FOXK1: variants seen among roughly 807,000 people sequenced by gnomAD.
FOXK1 encodes the protein forkhead box K1, also known as forkhead box protein K1.
FOXK1 carries 19 observed loss-of-function variants against 51.9 expected under a neutral mutation model. The observed-to-expected ratio is 0.37, with a 90% confidence interval of 0.26 to 0.54. The LOEUF (loss-of-function observed/expected upper bound fraction) is 0.54, where lower values mean the gene tolerates loss of function less well. FOXK1 is among the 20% of genes least tolerant of loss of function. FOXK1 has a pLI of 0.87. For synonymous variants in FOXK1, 537 were observed against 482.6 expected (o/e 1.11, Z -1.48); for missense variants, 870 against 1,032.7 (o/e 0.84, Z 2.16).
In FOXK1 at chr7:4,749,784, C is replaced by T. The variant is rs1038505240; in HGVS notation, c.747-4675C>T. ...GCCCTGTGCCCTGGGGAAGGCTTGT[C>T]TTAGGCTCTGGGGACGGAGCCCAGC... is the stretch of plus-strand genomic sequence containing the variant. On this transcript the variant is annotated intron_variant, in intron 2 of 8. Coordinates refer to ENST00000328914, the MANE Select transcript of FOXK1 (RefSeq NM_001037165.2). The surrounding 1 kb of genome is among the most constrained non-coding windows in gnomAD (Gnocchi z 6.0). 6.6e-6 allele frequency among the ~76,000 whole-genome samples: 1 copy of T among 152,222 alleles called. No homozygotes were observed. Among genetic ancestry groups the T allele is most frequent in the African/African-American group, 2.4e-5 (1 of 41,454 alleles).
At position 4,757,117 on chromosome 7, in the gene FOXK1, C is replaced by A; in HGVS notation, c.1174C>A (p.Gln392Lys). 1 of 1,613,628 alleles carries A rather than the reference C, an allele frequency of 6.2e-7. No individual in the cohort carries two copies. The highest frequency in any genetic ancestry group is 8.5e-7 in the Non-Finnish European group (1 of 1,179,948). ...DPASEAKLVE[Q>K]AFRKRRQRGV... is the part of the protein sequence containing the mutation. ...TGCCTCTGAAGCCAAGCTCGTGGAA[C>A]AGGCATTCCGGAAACGGAGGCAGAG... The change falls in exon 5 of 9, where the codon CAG (glutamine) becomes AAG (lysine). Residue 392 changes from glutamine to lysine, a missense_variant. By Grantham distance (53) the Gln-to-Lys change is moderately conservative (BLOSUM62 1). Around this residue, in one of 3 missense-constraint regions of FOXK1, gnomAD observed 457 missense variants for 510.8 expected, o/e 0.89. Transcript: ENST00000328914.
chr7:4,735,060 C>T lies in FOXK1; in HGVS notation c.561-5778C>T, dbSNP rs567641957. ...TTTTCCTGACAGCTTTCTGTTTGGCCGGGCAGGTGGTAGGATTTGTGGCCT... is the reference window on the plus strand; with the variant it reads ...TTTTCCTGACAGCTTTCTGTTTGGCTGGGCAGGTGGTAGGATTTGTGGCCT... On this transcript the variant is annotated intron_variant, in intron 1 of 8. Coordinates refer to ENST00000328914, the MANE Select transcript of FOXK1 (RefSeq NM_001037165.2). The surrounding 1 kb of genome is among the most constrained non-coding windows in gnomAD (Gnocchi z 4.7). 1.8e-4 allele frequency among the ~76,000 whole-genome samples: 27 copies of T among 152,164 alleles called. No individual in the cohort carries two copies. The highest frequency in any genetic ancestry group is 1.8e-3 in the Admixed American group (27 of 15,268).
At chr7:4,695,117 G>T (rs935072793) in intron 1 of FOXK1, among the ~76,000 whole-genome samples, 1 of 152,232 alleles carries the variant, frequency 6.6e-6, no homozygotes, top group Non-Finnish European at 1.5e-5. Flanking sequence ...GTTTGTGTCC[G>T]CTACCTCTGC....
At chr7:4,741,323 GT>G (rs67202438) in intron 2 of FOXK1, among the ~76,000 whole-genome samples, 13,632 of 150,456 alleles carry the variant, frequency 0.091, 2,059 homozygotes, top group African/African-American at 0.31. Context: ...CGTTGAAAAT[GT>G]TTTTTTTTTG....
rs1780918721 is a variant in FOXK1 at position 4,760,638 on chromosome 7, G to A, written c.1697-426G>A. 2.0e-5 allele frequency among the ~76,000 whole-genome samples: 3 copies of A among 152,146 alleles called. No homozygotes were observed. The South Asian group carries it at 6.2e-4, about 32-fold the overall frequency. On this transcript the variant is annotated intron_variant, in intron 7 of 8. Transcript: ENST00000328914. Reference sequence around the variant, plus strand: ...GGCTGAGGCAGGCAGATCACTTGAGGTCAGAAGTTCAAGACCAGCCTGGCC... The same window carrying A: ...GGCTGAGGCAGGCAGATCACTTGAGATCAGAAGTTCAAGACCAGCCTGGCC...
chr7:4,750,773 C>T (rs1236355442), intron 2 of FOXK1, among the ~76,000 whole-genome samples: 1 of 151,774 alleles, frequency 6.6e-6, no homozygotes, highest in Non-Finnish European at 1.5e-5. Flanking sequence ...GGCATAATCT[C>T]GGCTCACTGC....
chr7:4,747,938 G>A lies in FOXK1; in HGVS notation c.747-6521G>A, dbSNP rs111592085. On this transcript the variant is annotated intron_variant, in intron 2 of 8. Transcript: ENST00000328914. The surrounding 1 kb of genome is among the most constrained non-coding windows in gnomAD (Gnocchi z 9.2). ...ACGGCTCGCTGCAGCCTCGACCTCCGGGACTCAAGCGATCCTCCCACCTCA... is the reference window on the plus strand; with the variant it reads ...ACGGCTCGCTGCAGCCTCGACCTCCAGGACTCAAGCGATCCTCCCACCTCA... 0.018 allele frequency among the ~76,000 whole-genome samples: 2,797 copies of A among 151,728 alleles called. 86 individuals are homozygous for A. The highest frequency in any genetic ancestry group is 0.062 in the African/African-American group (2,581 of 41,344).
chr7:4,762,067 A>C lies in FOXK1; in HGVS notation c.1922-117A>C, dbSNP rs866777439. On this transcript the variant is annotated intron_variant, in intron 8 of 8. Transcript: ENST00000328914. This position sits in a 1 kb window ranked among gnomAD's most constrained non-coding sequence, Gnocchi z 5.7. ...AGCAAGGGTAGCCGTCCTGCCTGGC[A>C]GGGGTGCACTGACCTCCGGTTCCGG... 3 of 1,223,942 alleles carry C rather than the reference A, an allele frequency of 2.5e-6. No individual in the cohort carries two copies. The highest frequency in any genetic ancestry group is 3.4e-6 in the Non-Finnish European group (3 of 888,016). 75.8% of individuals were successfully genotyped at this position (1,223,942 alleles called of 1,614,324 possible).
chr7:4,728,510 G>A lies in FOXK1; in HGVS notation c.561-12328G>A, dbSNP rs182806738. 3.7e-3 allele frequency among the ~76,000 whole-genome samples: 564 copies of A among 152,258 alleles called. 3 individuals carry two copies. The highest frequency in any genetic ancestry group is 0.013 in the African/African-American group (531 of 41,556). ...CTTACTCGTGTGCACTAAAGTGCAC[G>A]TGCTGTGTGTGTACTGACCCTCTGC... On this transcript the variant is annotated intron_variant, in intron 1 of 8. Transcript: ENST00000328914.
At chr7:4,691,001 G>A (rs952077897) in intron 1 of FOXK1, among the ~76,000 whole-genome samples, 13 of 152,114 alleles carry the variant, frequency 8.5e-5, no homozygotes, top group African/African-American at 2.7e-4. Context: ...CTTGTTGGGC[G>A]ATCTTGTACT....
At chr7:4,690,245 A>G (rs2089133452) in intron 1 of FOXK1, among the ~76,000 whole-genome samples, 1 of 152,226 alleles carries the variant, frequency 6.6e-6, no homozygotes, top group South Asian at 2.1e-4. Context: ...GCTGGGGAGA[A>G]CAATCACTGC....
chr7:4,690,409 T>G (rs1779876818), intron 1 of FOXK1, among the ~76,000 whole-genome samples: 1 of 152,264 alleles, frequency 6.6e-6, no homozygotes, highest in Non-Finnish European at 1.5e-5. Flanking sequence ...GTGTATCACA[T>G]ATATTTGTTC....
At position 4,762,943 on chromosome 7, in the gene FOXK1, A is replaced by G. The variant is rs1780957455; in HGVS notation, c.*479A>G. The G allele has an allele frequency of 1.2e-5, 2 of 163,282 alleles. No homozygotes were observed. The highest frequency in any genetic ancestry group is 1.1e-4 in the Admixed American group (2 of 17,564). 10.1% of individuals were successfully genotyped at this position (163,282 alleles called of 1,614,324 possible). A position where few individuals can be genotyped will look rare whatever the true frequency, so the allele number is the denominator to read the frequency against. On this transcript the variant is annotated 3_prime_UTR_variant, in exon 9 of 9. Transcript: ENST00000328914. The surrounding 1 kb of genome is among the most constrained non-coding windows in gnomAD (Gnocchi z 5.7). ...TTGGGAAGCCAGGAGCTGCCGAGCC[A>G]CGGACCACCTAACAGCCTCTCCGCC...
intron 1 of FOXK1, among the ~76,000 whole-genome samples, chr7:4,712,461 C>T (rs965842659): frequency 1.3e-5 from 2 of 152,076 alleles, no homozygotes; most frequent in African/African-American, 4.8e-5. Flanking sequence ...GGAAAGGAGA[C>T]GTGTTAGTTT....
intron 1 of FOXK1, among the ~76,000 whole-genome samples, chr7:4,721,672 C>T (rs1028071140): frequency 1.4e-5 from 2 of 145,232 alleles, no homozygotes; most frequent in Non-Finnish European, 1.5e-5. Flanking sequence ...CTCACTGCAA[C>T]CTCTCCCTCC....
intron 1 of FOXK1, among the ~76,000 whole-genome samples, chr7:4,719,108 C>A (rs1319083064): frequency 7.1e-6 from 1 of 140,748 alleles, no homozygotes; most frequent in African/African-American, 2.8e-5. Context: ...CACACCCAAC[C>A]TTGTTTTTTT....
Position 4,742,615 on chromosome 7 carries a change from C to T in FOXK1, c.746+1592C>T, listed in dbSNP as rs541407776. ...TATCTTTTGTAGAGACAGGGTCTTG[C>T]TATGTTGCCCAGGCTGGTCTGAAAC... is the stretch of plus-strand genomic sequence containing the variant. On this transcript the variant is annotated intron_variant, in intron 2 of 8. Transcript: ENST00000328914. Among the ~76,000 whole-genome samples, 12 of 152,100 alleles carry T rather than the reference C, an allele frequency of 7.9e-5. No homozygotes were observed. The South Asian group carries it at 1.5e-3, about 18-fold the overall frequency.
intron 1 of FOXK1, among the ~76,000 whole-genome samples, chr7:4,714,284 G>T (rs1250791467): frequency 1.3e-5 from 2 of 151,924 alleles, no homozygotes; most frequent in East Asian, 3.9e-4. Context: ...CACTGTGTGT[G>T]TCTGTTTGTT....
chr7:4,742,564 G>T (rs991969589), intron 2 of FOXK1, among the ~76,000 whole-genome samples: 3 of 152,098 alleles, frequency 2.0e-5, no homozygotes, highest in African/African-American at 7.2e-5. Flanking sequence ...CCACAGGCAT[G>T]CACCACCACA....
Sources: gnomAD v4.1 joint callset for allele counts (sites outside exome capture counted in the v4.1 genomes callset) on GRCh38, gnomAD v4.1.1 for gene constraint, gnomAD v4.1.1 regional missense constraint, Gnocchi (gnomAD v3.1) non-coding constraint, MANE v1.5 for transcripts, NCBI Gene and HGNC (gene_info 2026-07-23, HGNC 2026-07-21) for gene names.